Variants in GRIA1 observed in about 807,000 individuals in gnomAD.
GRIA1 encodes glutamate ionotropic receptor AMPA type subunit 1.
Under a neutral mutation model 99.2 loss-of-function variants are expected in GRIA1, and 31 were observed. That is an observed-to-expected ratio of 0.31 (90% confidence interval 0.23 to 0.42). GRIA1 has a LOEUF of 0.42. Ranked by LOEUF, GRIA1 falls within the 10% of genes least tolerant of loss-of-function variation. GRIA1 has a pLI of 1.00. For synonymous variants in GRIA1, 438 were observed against 432.4 expected (o/e 1.01, Z -0.16); for missense variants, 782 against 1,157.5 (o/e 0.68, Z 4.71).
intron 2 of GRIA1, among the ~76,000 whole-genome samples, chr5:153,576,943 TGGATGGATGG>T (rs1220195411): frequency 7.3e-6 from 1 of 136,612 alleles, no homozygotes; most frequent in East Asian, 3.2e-4. Flanking sequence ...GATGGATGGA[TGGATGGATGG>T]ATGGATGGAT....
chr5:153,494,280 A>G, intron 2 of GRIA1: 1 of 544,414 alleles, frequency 1.8e-6, no homozygotes, highest in Non-Finnish European at 3.3e-6. Context: ...TTGCTTTTTC[A>G]CTGTCAGCTA....
At chr5:153,710,608 T>C (rs1205045993) in intron 11 of GRIA1, among the ~76,000 whole-genome samples, 1 of 152,234 alleles carries the variant, frequency 6.6e-6, no homozygotes. Context: ...AACTTATCTT[T>C]AGTACCTTCA....
rs998487388 is a variant in GRIA1 at position 153,491,180 on chromosome 5, C to A, written c.82+210C>A. On this transcript the variant is annotated intron_variant, in intron 1 of 15. Transcript: ENST00000285900. ...GGGGCAGAGGGGAAGTGTTCACACA[C>A]GCACACATACCCTACTCGCACTCCA... 4 of 1,091,002 alleles carry A rather than the reference C, an allele frequency of 3.7e-6. No homozygotes were observed. In the African/African-American group the frequency reaches 6.4e-5, roughly 17 times the overall value. The allele number at this position is 1,091,002 out of a possible 1,614,324, so 67.6% of individuals were successfully genotyped here.
At chr5:153,563,845 G>C (rs1761378079) in intron 2 of GRIA1, among the ~76,000 whole-genome samples, 1 of 152,158 alleles carries the variant, frequency 6.6e-6, no homozygotes, top group Non-Finnish European at 1.5e-5. Flanking sequence ...TTAGTGTCTT[G>C]GTTTGGGCAG....
chr5:153,495,671 A>G (rs970824786), intron 2 of GRIA1, among the ~76,000 whole-genome samples: 6 of 152,208 alleles, frequency 3.9e-5, no homozygotes, highest in Non-Finnish European at 5.9e-5. Flanking sequence ...CTGAGGTTGA[A>G]AATCTTATCT....
At chr5:153,708,129 C>G (rs768140855) in intron 11 of GRIA1, among the ~76,000 whole-genome samples, 1 of 152,200 alleles carries the variant, frequency 6.6e-6, no homozygotes, top group Non-Finnish European at 1.5e-5. Flanking sequence ...TTTCTCCCCA[C>G]TATTCCTCCA....
At chr5:153,511,818 G>A (rs188101123) in intron 2 of GRIA1, among the ~76,000 whole-genome samples, 1 of 152,252 alleles carries the variant, frequency 6.6e-6, no homozygotes, top group East Asian at 1.9e-4. Context: ...ACAAGGAATT[G>A]CCGGTGATTT....
chr5:153,685,259 C>T (rs373545704), intron 7 of GRIA1, among the ~76,000 whole-genome samples: 3 of 152,182 alleles, frequency 2.0e-5, no homozygotes, highest in African/African-American at 7.2e-5. Flanking sequence ...TGATACACAG[C>T]TAGACTCAGA....
chr5:153,743,774 C>G (rs975761343), intron 11 of GRIA1, among the ~76,000 whole-genome samples: 11 of 152,142 alleles, frequency 7.2e-5, no homozygotes, highest in African/African-American at 2.7e-4. Flanking sequence ...AGCAAAATCC[C>G]TTTTGCAATT....
At position 153,605,139 on chromosome 5, in the gene GRIA1, A is replaced by T. The variant is rs189308205; in HGVS notation, c.221-41789A>T. 4.9e-3 allele frequency among the ~76,000 whole-genome samples: 743 copies of T among 151,592 alleles called. 8 individuals are homozygous for T. The highest frequency in any genetic ancestry group is 0.017 in the African/African-American group (700 of 41,272). On this transcript the variant is annotated intron_variant, in intron 2 of 15. Transcript: ENST00000285900. Reference sequence around the variant, plus strand: ...GATGTGGAGGTTGCAGTGAGCCAAGATTGCACCACTGCACTCCAGCCTGGG... The same window carrying T: ...GATGTGGAGGTTGCAGTGAGCCAAGTTTGCACCACTGCACTCCAGCCTGGG...
intron 11 of GRIA1, among the ~76,000 whole-genome samples, chr5:153,714,432 T>C (rs1759527682): frequency 6.6e-6 from 1 of 152,216 alleles, no homozygotes; most frequent in Non-Finnish European, 1.5e-5. Flanking sequence ...TTTCTTTCCT[T>C]TCATACACTT....
chr5:153,719,091 C>T (rs971476269), intron 11 of GRIA1, among the ~76,000 whole-genome samples: 2 of 152,146 alleles, frequency 1.3e-5, no homozygotes, highest in Non-Finnish European at 2.9e-5. Context: ...GCATTAGGTT[C>T]ATTTTTCTTT....
chr5:153,740,966 C>CTTTTTTTTTTTT (rs10601141), intron 11 of GRIA1, among the ~76,000 whole-genome samples: 3 of 76,822 alleles, frequency 3.9e-5, no homozygotes, highest in Non-Finnish European at 6.7e-5. Flanking sequence ...AAGAAATTGG[C>CTTTTTTTTTTTT]TTTTTTTTTT....
At chr5:153,795,493 C>T (rs769972387) in intron 14 of GRIA1, 7 of 1,602,552 alleles carry the variant, frequency 4.4e-6, no homozygotes, top group South Asian at 1.1e-5. Flanking sequence ...GTAAACCTAG[C>T]GGTTTTGAAA....
intron 2 of GRIA1, among the ~76,000 whole-genome samples, chr5:153,610,341 C>A (rs1765871048): frequency 6.6e-6 from 1 of 152,204 alleles, no homozygotes; most frequent in Non-Finnish European, 1.5e-5. Flanking sequence ...CTCTCCCTTT[C>A]AGTGATCAGG....
chr5:153,555,946 G>C (rs1164042821), intron 2 of GRIA1, among the ~76,000 whole-genome samples: 1 of 152,246 alleles, frequency 6.6e-6, no homozygotes, highest in African/African-American at 2.4e-5. Flanking sequence ...TGGTATTGAT[G>C]ATGAAGGCAT....
At position 153,712,725 on chromosome 5, in the gene GRIA1, C is replaced by T. The variant is rs144858618; in HGVS notation, c.1823+6658C>T. Among the ~76,000 whole-genome samples the T allele has an allele frequency of 3.5e-3, 529 of 152,308 alleles. 3 individuals carry two copies. Among genetic ancestry groups the T allele is most frequent in the African/African-American group, 0.012 (515 of 41,570 alleles). On this transcript the variant is annotated intron_variant, in intron 11 of 15. Transcript: ENST00000285900. ...CATTTAGGCCACAGGTTCATTTCTA[C>T]AAGGAACAGTGTCACAAGGATGTGT... is the stretch of plus-strand genomic sequence containing the variant.
chr5:153,741,642 A>G lies in GRIA1; in HGVS notation c.1824-22792A>G, dbSNP rs908655709. ...TTGAGGACATTATGCTAAGTGAAAT[A>G]AGCCAGTCACAGAAGGACAAATACC... On this transcript the variant is annotated intron_variant, in intron 11 of 15. Transcript: ENST00000285900. Among the ~76,000 whole-genome samples, 5 of 152,242 alleles carry G rather than the reference A, an allele frequency of 3.3e-5. No individual in the cohort carries two copies. In the East Asian group the frequency reaches 9.6e-4, roughly 29 times the overall value.
chr5:153,648,082 C>T (rs1307502366), intron 3 of GRIA1, among the ~76,000 whole-genome samples: 1 of 152,170 alleles, frequency 6.6e-6, no homozygotes, highest in African/African-American at 2.4e-5. Context: ...CAGAGGAGTA[C>T]AGTACTGATG....
Sources: allele counts gnomAD v4.1 joint callset (sites outside exome capture counted in the v4.1 genomes callset), GRCh38; gene constraint gnomAD v4.1.1; transcripts MANE v1.5; gene names NCBI Gene and HGNC (gene_info 2026-07-23, HGNC 2026-07-21).